TCTN3: variants seen among roughly 807,000 people sequenced by gnomAD.
The protein encoded by TCTN3 is tectonic-3.
In TCTN3, 57 loss-of-function variants were observed where a neutral mutation model predicts 71.3. The observed-to-expected ratio is 0.80, with a 90% CI of 0.65 to 1.00. TCTN3 has a LOEUF of 1.00. TCTN3 is among the 50% of genes least tolerant of loss of function. TCTN3 has a pLI of 0.00. For missense variants in TCTN3, 696 were observed against 719.9 expected (o/e 0.97, Z 0.38); for synonymous variants, 258 against 267.8 (o/e 0.96, Z 0.36).
At chr10:95,688,415 A>AAAAAAAAG (rs2097950679) in intron 3 of TCTN3, among the ~76,000 whole-genome samples, 1 of 124,036 alleles carries the variant, frequency 8.1e-6, no homozygotes. Context: ...AAAAAAAAAA[A>AAAAAAAAG]AAAGAAAAAA....
chr10:95,674,283 A>G (rs1007701229), intron 13 of TCTN3, among the ~76,000 whole-genome samples: 8 of 152,176 alleles, frequency 5.3e-5, no homozygotes, highest in African/African-American at 1.9e-4. Context: ...TAATTTTTCC[A>G]TGATATTGTA....
chr10:95,678,533 C>CAA (rs71034346), intron 13 of TCTN3, among the ~76,000 whole-genome samples: 1 of 103,664 alleles, frequency 9.6e-6, no homozygotes, highest in Admixed American at 1.0e-4. Context: ...AACACTGTCT[C>CAA]AAAAAAAAAA....
In TCTN3 at chr10:95,687,052, C is replaced by T; in HGVS notation, c.844G>A (p.Val282Ile). 1.2e-6 allele frequency: 2 copies of T among 1,613,608 alleles called. No homozygotes were observed. Among genetic ancestry groups the T allele is most frequent in the Non-Finnish European group, 1.7e-6 (2 of 1,179,568 alleles). ...AGAGAAAGGACACCTACCTTTAAGA[C>T]TGTGAAGTTATAGTAAGAGGCAGCA... ...LNAASYYNFTVLKVPRSMTDP... is the reference protein window; with the variant it reads ...LNAASYYNFTILKVPRSMTDP... Residue 282 changes from valine to isoleucine, a missense_variant, in exon 6 of 14, where the codon GTC becomes ATC. Coordinates refer to ENST00000371217, the MANE Select transcript of TCTN3 (RefSeq NM_015631.6).
In TCTN3 at chr10:95,693,650, A is replaced by G; in HGVS notation, c.250T>C (p.Phe84Leu). 1 of 1,550,774 alleles carries G rather than the reference A, an allele frequency of 6.4e-7. No homozygotes were observed. Among genetic ancestry groups the G allele is most frequent in the Non-Finnish European group, 8.7e-7 (1 of 1,146,726 alleles). Residue 84 changes from phenylalanine to leucine, a missense_variant, in exon 1 of 14, where the codon TTC becomes CTC. Phe to Leu is a conservative substitution (Grantham distance 22). Coordinates refer to ENST00000371217, the MANE Select transcript of TCTN3 (RefSeq NM_015631.6). Reference protein sequence around the residue: ...SAPGNRTVDLFPVLPICVCDL... With the variant: ...SAPGNRTVDLLPVLPICVCDL... ...CCACAACGTTTTCCCTCACCTGGGA[A>G]GAGGTCCACAGTCCTATTCCCAGGG...
chr10:95,671,266 A>C (rs187290729), intron 13 of TCTN3, among the ~76,000 whole-genome samples: 1 of 152,314 alleles, frequency 6.6e-6, no homozygotes, highest in African/African-American at 2.4e-5. Flanking sequence ...TGGTTGACTT[A>C]ATTTATTTCT....
chr10:95,687,607 T>G lies in TCTN3; in HGVS notation c.612A>C (p.Pro204=). 6.2e-7 allele frequency: 1 copy of G among 1,613,716 alleles called. No individual in the cohort carries two copies. Among genetic ancestry groups the G allele is most frequent in the East Asian group, 2.2e-5 (1 of 44,882 alleles). Residue 204 remains proline (P), a synonymous_variant, in exon 4 of 14, where the codon CCA becomes CCC. Transcript: ENST00000371217. ...CCAGGCTCACCCTGTAAAAAGATGG[T>G]GGTGATTGAGTTTGGAATGTTGAAG... The part of the protein sequence containing the change: ...SFTSTFQTQS[P]PSFYRAGDPI...
chr10:95,685,549 T>G lies in TCTN3; in HGVS notation c.969+7A>C. The G allele has an allele frequency of 6.5e-7, 1 of 1,548,982 alleles. No individual in the cohort carries two copies. The highest frequency in any genetic ancestry group is 8.7e-7 in the Non-Finnish European group (1 of 1,144,706). On this transcript the variant is annotated splice_region_variant and intron_variant, in intron 8 of 13. Coordinates refer to ENST00000371217, the MANE Select transcript of TCTN3 (RefSeq NM_015631.6). Reference sequence around the variant, plus strand: ...ATCAGTCCAGAATCTGAGGTCAGTATCCCTACCTGAGAAACTACATTCTGA... The same window carrying G: ...ATCAGTCCAGAATCTGAGGTCAGTAGCCCTACCTGAGAAACTACATTCTGA...
rs1343993742 is a variant in TCTN3, at chr10:95,664,163, T to C, written c.1728A>G (p.Ala576=). 1 of 1,614,218 alleles carries C rather than the reference T, an allele frequency of 6.2e-7. No individual in the cohort carries two copies. Among genetic ancestry groups the C allele is most frequent in the South Asian group, 1.1e-5 (1 of 91,088 alleles). ...WPFDFFPFKV[A]FSRGVFSQKC... ...TTTGAGAGAATACTCCTCTGCTGAA[T>C]GCCACTTTGAAGGGAAAGAAGTCGA... The change falls in exon 14 of 14, where the codon GCA becomes GCG. Residue 576 remains alanine (A), a synonymous_variant. Coordinates refer to ENST00000371217, the MANE Select transcript of TCTN3 (RefSeq NM_015631.6).
intron 13 of TCTN3, among the ~76,000 whole-genome samples, chr10:95,677,395 C>T (rs1165307008): frequency 6.7e-6 from 1 of 150,250 alleles, no homozygotes; most frequent in Admixed American, 6.7e-5. Context: ...AAAAATACCA[C>T]TAGTATCGGT....
intron 3 of TCTN3, among the ~76,000 whole-genome samples, chr10:95,692,265 T>G (rs899967265): frequency 1.3e-5 from 2 of 152,078 alleles, no homozygotes; most frequent in African/African-American, 4.8e-5. Context: ...TCCCAGCACT[T>G]TGGGGGTCGA....
chr10:95,677,470 T>TAC (rs10654250), intron 13 of TCTN3, among the ~76,000 whole-genome samples: 107,656 of 128,972 alleles, frequency 0.83, 45,728 homozygotes, highest in Non-Finnish European at 0.91. Flanking sequence ...TAGTGAAGTC[T>TAC]ACAGTTTTTT....
intron 7 of TCTN3, among the ~76,000 whole-genome samples, 198 bp from the exon 8 acceptor site, chr10:95,685,834 A>T: frequency 6.6e-6 from 1 of 152,232 alleles, no homozygotes; most frequent in Non-Finnish European, 1.5e-5. Context: ...TCAGAACACT[A>T]GTTCTATTAA....
chr10:95,667,035 C>T (rs1005357569), intron 13 of TCTN3, among the ~76,000 whole-genome samples: 1 of 152,188 alleles, frequency 6.6e-6, no homozygotes, highest in African/African-American at 2.4e-5. Context: ...ATTTCTGTAT[C>T]CTTGAGGTCA....
chr10:95,673,082 A>C (rs1330933631), intron 13 of TCTN3, among the ~76,000 whole-genome samples: 1 of 152,176 alleles, frequency 6.6e-6, no homozygotes, highest in African/African-American at 2.4e-5. Context: ...TCTAGATATG[A>C]GTCTTTTGTC....
chr10:95,674,102 C>A (rs1375991529), intron 13 of TCTN3, among the ~76,000 whole-genome samples: 1 of 152,174 alleles, frequency 6.6e-6, no homozygotes, highest in Non-Finnish European at 1.5e-5. Flanking sequence ...TCAATTTCTA[C>A]AAAAATACCT....
intron 13 of TCTN3, among the ~76,000 whole-genome samples, chr10:95,665,068 G>A (rs543789216): frequency 6.6e-6 from 1 of 152,242 alleles, no homozygotes; most frequent in Non-Finnish European, 1.5e-5. Flanking sequence ...CAAGCTCTGG[G>A]AACATAGTTT....
chr10:95,675,196 A>G (rs1157765783), intron 13 of TCTN3, among the ~76,000 whole-genome samples: 2 of 152,116 alleles, frequency 1.3e-5, no homozygotes, highest in African/African-American at 2.4e-5. Context: ...GGGTTCAAGC[A>G]ATTCTCCTGT....
chr10:95,685,201 C>T (rs2097947092), intron 8 of TCTN3, among the ~76,000 whole-genome samples: 1 of 152,160 alleles, frequency 6.6e-6, no homozygotes, highest in Non-Finnish European at 1.5e-5. Context: ...GAATCAGTAA[C>T]AGACTGCAAG....
Position 95,680,515 on chromosome 10 carries a change from T to C in TCTN3, c.1547A>G (p.His516Arg), listed in dbSNP as rs1445029440. ...YVGLLSNPQA[H>R]VSGVRFLYQC... Reference sequence around the variant, plus strand: ...GTATAGGAATCGAACTCCTGATACATGAGCTTGCGGGTTGGACAGGAGACC... The same window carrying C: ...GTATAGGAATCGAACTCCTGATACACGAGCTTGCGGGTTGGACAGGAGACC... Residue 516 changes from histidine to arginine, a missense_variant, in exon 13 of 14, where the codon CAT becomes CGT. Coordinates refer to ENST00000371217, the MANE Select transcript of TCTN3 (RefSeq NM_015631.6). 6.2e-7 allele frequency: 1 copy of C among 1,614,082 alleles called. No individual in the cohort carries two copies. Among genetic ancestry groups the C allele is most frequent in the South Asian group, 1.1e-5 (1 of 91,074 alleles).
Sources: allele counts gnomAD v4.1 joint callset (sites outside exome capture counted in the v4.1 genomes callset), GRCh38; gene constraint gnomAD v4.1.1; transcripts MANE v1.5; gene names NCBI Gene and HGNC (gene_info 2026-07-23, HGNC 2026-07-21).